The following PDZRN4 variants were observed in gnomAD, a reference collection of about 807,000 sequenced individuals.
The protein encoded by PDZRN4 is PDZ domain containing ring finger 4.
A neutral mutation model predicts 99.0 loss-of-function variants in PDZRN4; 70 were observed. That is an observed-to-expected ratio of 0.71 (90% CI 0.58 to 0.86). PDZRN4 has a LOEUF of 0.86. Among genes scored for constraint, PDZRN4 ranks in the 40% least tolerant of loss-of-function variants. PDZRN4 has a pLI of 0.00. For missense variants in PDZRN4, 1,474 were observed against 1,331.2 expected (o/e 1.11, Z -1.67); for synonymous variants, 551 against 501.6 (o/e 1.10, Z -1.32).
intron 3 of PDZRN4, among the ~76,000 whole-genome samples, chr12:41,248,343 C>T (rs1344492963): frequency 6.6e-6 from 1 of 152,174 alleles, no homozygotes; most frequent in Admixed American, 6.5e-5. Flanking sequence ...AGAAACATTT[C>T]ATCACCATGC....
chr12:41,411,055 A>C (rs1952394807), intron 3 of PDZRN4, among the ~76,000 whole-genome samples: 1 of 122,562 alleles, frequency 8.2e-6, no homozygotes. Context: ...TAAAATATAT[A>C]TATATATATA....
At chr12:41,209,692 C>T (rs900530441) in intron 3 of PDZRN4, among the ~76,000 whole-genome samples, 2 of 150,590 alleles carry the variant, frequency 1.3e-5, no homozygotes, top group African/African-American at 2.5e-5. Flanking sequence ...TTTTTTATGG[C>T]TGCATAGTAT....
chr12:41,188,921 C>A lies in PDZRN4; in HGVS notation c.466C>A (p.Arg156Ser), dbSNP rs1267253891. 9 of 1,172,466 alleles carry A rather than the reference C, an allele frequency of 7.7e-6. No homozygotes were observed. The highest frequency in any genetic ancestry group is 4.1e-5 in the South Asian group (1 of 24,292). 72.6% of individuals were successfully genotyped at this position (1,172,466 alleles called of 1,614,324 possible). ...GGGGCCGCCGGGCGGCCGCTGGGGC[C>A]GCGGGCGGGGACCCGGGCCTCGGGT... ...RGGPPGGRWGRGRGPGPRVLA... is the reference protein window; with the variant it reads ...RGGPPGGRWGSGRGPGPRVLA... The change falls in exon 1 of 10, where the codon CGC becomes AGC. Residue 156 changes from arginine to serine, a missense_variant. Arg to Ser is a moderately radical substitution (Grantham distance 110). Transcript: ENST00000402685.
intron 3 of PDZRN4, among the ~76,000 whole-genome samples, chr12:41,358,179 A>G (rs553764578): frequency 6.6e-6 from 1 of 152,068 alleles, no homozygotes; most frequent in East Asian, 1.9e-4. Context: ...TTCTCAACAC[A>G]GGAAGATTAT....
intron 3 of PDZRN4, among the ~76,000 whole-genome samples, chr12:41,378,126 C>A (rs892839731): frequency 7.3e-5 from 11 of 151,542 alleles, no homozygotes; most frequent in African/African-American, 2.4e-4. Context: ...CATCTATGAC[C>A]ATTATTATGT....
chr12:41,343,765 T>C (rs1156594064), intron 3 of PDZRN4, among the ~76,000 whole-genome samples: 2 of 151,822 alleles, frequency 1.3e-5, no homozygotes, highest in African/African-American at 4.8e-5. Context: ...GAATGATAAA[T>C]GCACAAGGTG....
chr12:41,328,669 C>G (rs796298115), intron 3 of PDZRN4, among the ~76,000 whole-genome samples: 1 of 152,086 alleles, frequency 6.6e-6, no homozygotes, highest in Non-Finnish European at 1.5e-5. Context: ...TTTCTAAGAG[C>G]CCATCAGCAT....
chr12:41,286,830 C>T (rs933368369), intron 3 of PDZRN4, among the ~76,000 whole-genome samples: 1 of 152,132 alleles, frequency 6.6e-6, no homozygotes, highest in African/African-American at 2.4e-5. Flanking sequence ...CCCATACATG[C>T]GAAGTTATGA....
At chr12:41,209,363 T>A (rs1950872270) in intron 3 of PDZRN4, among the ~76,000 whole-genome samples, 1 of 151,884 alleles carries the variant, frequency 6.6e-6, no homozygotes, top group Admixed American at 6.6e-5. Context: ...TTTTTTATTA[T>A]ACTTTAAGTC....
chr12:41,363,254 C>G (rs1360773502), intron 3 of PDZRN4, among the ~76,000 whole-genome samples: 2 of 152,064 alleles, frequency 1.3e-5, no homozygotes, highest in African/African-American at 4.8e-5. Context: ...TTATTACCCC[C>G]TCATGACTGA....
intron 3 of PDZRN4, among the ~76,000 whole-genome samples, chr12:41,350,917 C>G (rs762026115): frequency 6.6e-5 from 10 of 152,044 alleles, no homozygotes; most frequent in Non-Finnish European, 1.0e-4. Flanking sequence ...TCATCTGCAA[C>G]ACACGTGAGA....
chr12:41,403,527 C>G (rs1347995079), intron 3 of PDZRN4, among the ~76,000 whole-genome samples: 2 of 152,104 alleles, frequency 1.3e-5, no homozygotes, highest in Non-Finnish European at 2.9e-5. Context: ...GTTTTGGATC[C>G]TAAGAGTTAC....
chr12:41,473,022 T>C (rs941174467), intron 3 of PDZRN4, among the ~76,000 whole-genome samples: 1 of 152,204 alleles, frequency 6.6e-6, no homozygotes, highest in Admixed American at 6.5e-5. Flanking sequence ...AAATACACTT[T>C]ATTTCAGAAC....
intron 3 of PDZRN4, among the ~76,000 whole-genome samples, chr12:41,470,704 A>C (rs1314755460): frequency 6.6e-6 from 1 of 151,784 alleles, no homozygotes; most frequent in Non-Finnish European, 1.5e-5. Flanking sequence ...TCCTGTGTCC[A>C]TGTGTTCTCA....
intron 3 of PDZRN4, among the ~76,000 whole-genome samples, chr12:41,203,526 T>C (rs1175230140): frequency 2.0e-5 from 3 of 152,006 alleles, no homozygotes; most frequent in Non-Finnish European, 4.4e-5. Context: ...TAATAATTAT[T>C]GGTTATTATA....
intron 3 of PDZRN4, among the ~76,000 whole-genome samples, chr12:41,438,873 C>T (rs1237766548): frequency 3.9e-5 from 6 of 152,174 alleles, no homozygotes; most frequent in Non-Finnish European, 5.9e-5. Context: ...CTCCCTTCTT[C>T]CAGTTTGTCC....
chr12:41,456,118 A>G (rs1432945869), intron 3 of PDZRN4, among the ~76,000 whole-genome samples: 2 of 152,178 alleles, frequency 1.3e-5, no homozygotes, highest in Admixed American at 6.5e-5. Flanking sequence ...CTAAGCTTCA[A>G]GCCATCGTCC....
chr12:41,437,802 C>G (rs1952643712), intron 3 of PDZRN4: 1 of 1,559,448 alleles, frequency 6.4e-7, no homozygotes. Flanking sequence ...ACGCTTCCAG[C>G]TAACAGCGGT....
chr12:41,188,400 G>A lies in PDZRN4; in HGVS notation c.-56G>A. 6.9e-7 allele frequency: 1 copy of A among 1,443,382 alleles called. No individual in the cohort carries two copies. Among genetic ancestry groups the A allele is most frequent in the African/African-American group, 1.4e-5 (1 of 69,154 alleles). 89.4% of individuals were successfully genotyped at this position (1,443,382 alleles called of 1,614,324 possible). Reference sequence around the variant, plus strand: ...CCGGGGGTGGCCCGGGGAAGGCAGGGGGGCTCGGAGAAGACGGACTCTGCT... The same window carrying A: ...CCGGGGGTGGCCCGGGGAAGGCAGGAGGGCTCGGAGAAGACGGACTCTGCT... On this transcript the variant is annotated 5_prime_UTR_variant, in exon 1 of 10. Transcript: ENST00000402685.
Sources: allele counts gnomAD v4.1 joint callset (sites outside exome capture counted in the v4.1 genomes callset), GRCh38; gene constraint gnomAD v4.1.1; transcripts MANE v1.5; gene names NCBI Gene and HGNC (gene_info 2026-07-23, HGNC 2026-07-21).